PBX1: variants seen among roughly 807,000 people sequenced by gnomAD.
PBX1 encodes PBX homeobox 1.
Under a neutral mutation model 53.4 loss-of-function variants are expected in PBX1, and 6 were observed. The observed-to-expected ratio is 0.11, with a 90% confidence interval of 0.06 to 0.22. The LOEUF (loss-of-function observed/expected upper bound fraction) is 0.22, where lower values mean the gene tolerates loss of function less well. PBX1 is among the 10% of genes least tolerant of loss of function. PBX1 has a pLI of 1.00. For synonymous variants in PBX1, 204 were observed against 212.3 expected (o/e 0.96, Z 0.34); for missense variants, 251 against 551.4 (o/e 0.46, Z 5.46).
At chr1:164,819,510 A>G (rs1328733121) in intron 6 of PBX1, 3 of 152,226 alleles carry the variant, frequency 2.0e-5, no homozygotes, top group Non-Finnish European at 4.4e-5. Flanking sequence ...CATTTTAGAA[A>G]TTAAGAATGT....
In PBX1 at chr1:164,790,438, G is replaced by A. The variant is rs546063562; in HGVS notation, c.266-2056G>A. Among the ~76,000 whole-genome samples the A allele has an allele frequency of 4.6e-5, 7 of 152,250 alleles. No homozygotes were observed. In the South Asian group the frequency reaches 1.5e-3, roughly 32 times the overall value. On this transcript the variant is annotated intron_variant, in intron 2 of 8. Transcript: ENST00000420696. ...GTGTAGCAGAATATTACATATTCAG[G>A]TTTGAAGAGAGAAGATCATGACGTG...
chr1:164,630,052 C>T (rs1468903751), intron 2 of PBX1, among the ~76,000 whole-genome samples: 1 of 152,054 alleles, frequency 6.6e-6, no homozygotes, highest in Non-Finnish European at 1.5e-5. Context: ...AATAAAGTAA[C>T]CCCAAGATAA....
chr1:164,725,189 C>T (rs1281012363), intron 2 of PBX1, among the ~76,000 whole-genome samples: 2 of 152,114 alleles, frequency 1.3e-5, no homozygotes, highest in African/African-American at 4.8e-5. Flanking sequence ...TTTGTCAGGC[C>T]TTTCAGAGTT....
chr1:164,781,732 G>A (rs538498592), intron 2 of PBX1, among the ~76,000 whole-genome samples: 324 of 152,194 alleles, frequency 2.1e-3, no homozygotes, highest in Non-Finnish European at 3.5e-3. Flanking sequence ...TTTTGCCTCT[G>A]CTGATAGCCG....
At chr1:164,661,195 C>T (rs902186933) in intron 2 of PBX1, among the ~76,000 whole-genome samples, 5 of 152,170 alleles carry the variant, frequency 3.3e-5, no homozygotes, top group Non-Finnish European at 5.9e-5. Flanking sequence ...CATTTCTTAT[C>T]CTTTAGTTCT....
chr1:164,813,019 A>G (rs917786316), intron 6 of PBX1: 1 of 152,218 alleles, frequency 6.6e-6, no homozygotes, highest in Non-Finnish European at 1.5e-5. Flanking sequence ...TGATGATTCT[A>G]ACTTAAAAGG....
At chr1:164,613,356 C>T (rs558443100) in intron 2 of PBX1, among the ~76,000 whole-genome samples, 1 of 152,204 alleles carries the variant, frequency 6.6e-6, no homozygotes, top group Admixed American at 6.5e-5. Flanking sequence ...TCACTCTTCT[C>T]TGAGCAGGTC....
intron 2 of PBX1, among the ~76,000 whole-genome samples, chr1:164,612,350 G>A (rs192361159): frequency 3.3e-5 from 5 of 152,212 alleles, no homozygotes; most frequent in East Asian, 1.9e-4. Flanking sequence ...CAGCTGCAAC[G>A]GTTGAGACTA....
intron 2 of PBX1, among the ~76,000 whole-genome samples, chr1:164,614,517 A>T (rs769281106): frequency 2.0e-4 from 30 of 151,946 alleles, no homozygotes; most frequent in Non-Finnish European, 3.5e-4. Flanking sequence ...CTCTATGTTG[A>T]CATGTGACTT....
chr1:164,663,657 A>G (rs1031500152), intron 2 of PBX1, among the ~76,000 whole-genome samples: 2 of 152,226 alleles, frequency 1.3e-5, no homozygotes, highest in Non-Finnish European at 2.9e-5. Context: ...GAGATCATCA[A>G]ACACCTTTTT....
At chr1:164,733,939 A>G (rs781276620) in intron 2 of PBX1, among the ~76,000 whole-genome samples, 30 of 152,168 alleles carry the variant, frequency 2.0e-4, no homozygotes, top group Non-Finnish European at 3.8e-4. Flanking sequence ...GAAATGTTCT[A>G]CTAATTTTTT....
At chr1:164,827,891 C>T (rs1156575939) in intron 8 of PBX1, among the ~76,000 whole-genome samples, 3 of 152,154 alleles carry the variant, frequency 2.0e-5, no homozygotes, top group African/African-American at 7.2e-5. Context: ...ATGGTACATC[C>T]AGGTCAAATT....
intron 2 of PBX1, among the ~76,000 whole-genome samples, chr1:164,618,023 T>G (rs1178319505): frequency 6.6e-6 from 1 of 152,192 alleles, no homozygotes; most frequent in African/African-American, 2.4e-5. Flanking sequence ...CAGCGGCCTA[T>G]GCTGCCTCCC....
chr1:164,704,704 C>T (rs549441508), intron 2 of PBX1, among the ~76,000 whole-genome samples: 63 of 152,228 alleles, frequency 4.1e-4, no homozygotes, highest in African/African-American at 1.4e-3. Context: ...AGTTAGCTTT[C>T]GTTATATCTT....
intron 2 of PBX1, chr1:164,683,164 A>G: frequency 6.6e-6 from 1 of 152,204 alleles, no homozygotes; most frequent in East Asian, 1.9e-4. Context: ...GTATCAGTCA[A>G]TAGCATTCAG....
intron 2 of PBX1, among the ~76,000 whole-genome samples, chr1:164,640,776 T>C (rs185581209): frequency 2.0e-5 from 3 of 152,194 alleles, no homozygotes; most frequent in Admixed American, 2.0e-4. Context: ...CAGGCTGGTC[T>C]CCAACTCCTG....
chr1:164,598,545 G>A (rs989312000), intron 2 of PBX1, among the ~76,000 whole-genome samples: 9 of 152,186 alleles, frequency 5.9e-5, no homozygotes, highest in Middle Eastern at 3.2e-3. Flanking sequence ...AATTCCCAGA[G>A]TTCTCTGAGG....
chr1:164,730,987 A>G (rs1664947922), intron 2 of PBX1, among the ~76,000 whole-genome samples: 1 of 152,200 alleles, frequency 6.6e-6, no homozygotes, highest in Non-Finnish European at 1.5e-5. Context: ...AACATAATGC[A>G]TAGAGGGGTA....
intron 2 of PBX1, among the ~76,000 whole-genome samples, chr1:164,870,331 T>C (rs980226993): frequency 8.3e-6 from 1 of 121,018 alleles, no homozygotes; most frequent in Non-Finnish European, 1.7e-5. Context: ...CTTTCTTTCT[T>C]TCTTTCTTTC....
Sources: gnomAD v4.1 joint callset for allele counts (sites outside exome capture counted in the v4.1 genomes callset) on GRCh38, gnomAD v4.1.1 for gene constraint, MANE v1.5 for transcripts, NCBI Gene and HGNC (gene_info 2026-07-23, HGNC 2026-07-21) for gene names.